TRERF1: variants seen among roughly 807,000 people sequenced by gnomAD.
TRERF1 encodes transcriptional regulating factor 1.
A neutral mutation model predicts 122.9 loss-of-function variants in TRERF1; 27 were observed. The observed-to-expected ratio is 0.22, with a 90% confidence interval of 0.16 to 0.30. TRERF1 has a LOEUF of 0.30. TRERF1 is among the 10% of genes least tolerant of loss of function. The pLI, the probability that TRERF1 is intolerant of heterozygous loss-of-function variation, is 1.00. For synonymous variants in TRERF1, 636 were observed against 641.7 expected (o/e 0.99, Z 0.13); for missense variants, 1,248 against 1,560.3 (o/e 0.80, Z 3.37).
intron 3 of TRERF1, among the ~76,000 whole-genome samples, chr6:42,321,022 G>A (rs1161225029): frequency 1.3e-5 from 2 of 152,084 alleles, no homozygotes; most frequent in African/African-American, 2.4e-5. Context: ...ACTCAGAGAC[G>A]CCAGAACAAC....
rs2149836940 is a variant in TRERF1, at chr6:42,263,608, A to G, written c.1636-40T>C. ...AAGGCTTTGATCCTGGGCTGAGAGC[A>G]GCTCTCACAAGGGGGATGCACTTTG... On this transcript the variant is annotated intron_variant, in intron 7 of 17. Coordinates refer to ENST00000372922, the Ensembl canonical transcript of TRERF1. The surrounding 1 kb of genome is among the most constrained non-coding windows in gnomAD (Gnocchi z 5.6). The G allele has an allele frequency of 1.4e-6, 2 of 1,455,566 alleles. No homozygotes were observed. The highest frequency in any genetic ancestry group is 4.9e-5 in the East Asian group (2 of 40,590). The allele number at this position is 1,455,566 out of a possible 1,614,324, so 90.2% of individuals were successfully genotyped here. A position where few individuals can be genotyped will look rare whatever the true frequency, so the allele number is the denominator to read the frequency against.
intron 4 of TRERF1, among the ~76,000 whole-genome samples, chr6:42,272,372 G>A (rs1350682672): frequency 6.6e-6 from 1 of 152,148 alleles, no homozygotes; most frequent in East Asian, 1.9e-4. Context: ...GGGGAGGGTG[G>A]CCAAGGATGG....
intron 2 of TRERF1, among the ~76,000 whole-genome samples, chr6:42,376,175 C>G (rs1337860033): frequency 6.6e-6 from 1 of 152,160 alleles, no homozygotes; most frequent in East Asian, 1.9e-4. Context: ...ACTCCCACCC[C>G]AAACAAAATA....
intron 13 of TRERF1, among the ~76,000 whole-genome samples, chr6:42,248,785 G>A (rs79240729): frequency 6.6e-6 from 1 of 152,162 alleles, no homozygotes; most frequent in Non-Finnish European, 1.5e-5. Context: ...GGAGCCTCAG[G>A]GGGGCTGGGG....
chr6:42,295,806 C>T (rs1050119110), intron 4 of TRERF1, among the ~76,000 whole-genome samples: 11 of 152,040 alleles, frequency 7.2e-5, no homozygotes, highest in Non-Finnish European at 1.6e-4. Flanking sequence ...TTTTATAGTA[C>T]TTGCCCACTA....
chr6:42,310,334 T>C (rs1214670559), intron 3 of TRERF1, among the ~76,000 whole-genome samples: 1 of 152,162 alleles, frequency 6.6e-6, no homozygotes, highest in Non-Finnish European at 1.5e-5. Context: ...CAGCACCAAA[T>C]AGAACATTTC....
chr6:42,371,426 T>C (rs1016847986), intron 2 of TRERF1, among the ~76,000 whole-genome samples: 5 of 151,662 alleles, frequency 3.3e-5, no homozygotes, highest in African/African-American at 1.2e-4. Flanking sequence ...GGTGGCAAAA[T>C]AGGAATAGAG....
exon 18 of TRERF1, chr6:42,227,855 G>A (rs1254414512): frequency 1.3e-5 from 2 of 152,402 alleles, no homozygotes; most frequent in South Asian, 2.1e-4. Flanking sequence ...CCCTAGCATA[G>A]TATCTCCAGG....
chr6:42,375,127 C>T (rs1774600097), intron 2 of TRERF1, among the ~76,000 whole-genome samples: 1 of 152,112 alleles, frequency 6.6e-6, no homozygotes, highest in African/African-American at 2.4e-5. Flanking sequence ...GCGACTGTCC[C>T]AGCCCAGGCA....
chr6:42,240,988 G>A (rs1773568533), intron 15 of TRERF1, among the ~76,000 whole-genome samples: 1 of 152,128 alleles, frequency 6.6e-6, no homozygotes, highest in Non-Finnish European at 1.5e-5. Context: ...CACCTCCCGG[G>A]TTCAGGCAAT....
At chr6:42,261,179 C>G (rs988999943) in intron 8 of TRERF1, among the ~76,000 whole-genome samples, 2 of 152,176 alleles carry the variant, frequency 1.3e-5, no homozygotes, top group Admixed American at 6.5e-5. Context: ...CCTGTGCCCC[C>G]CCCAAGGGGA....
At chr6:42,311,765 CAAAA>C (rs10530333) in intron 3 of TRERF1, among the ~76,000 whole-genome samples, 7 of 34,570 alleles carry the variant, frequency 2.0e-4, no homozygotes, top group Non-Finnish European at 4.2e-4. Flanking sequence ...GACTCCGTCT[CAAAA>C]AAAAAAAAAA....
At chr6:42,347,543 G>C (rs975856753) in intron 3 of TRERF1, among the ~76,000 whole-genome samples, 3 of 152,076 alleles carry the variant, frequency 2.0e-5, no homozygotes, top group African/African-American at 4.8e-5. Context: ...ATAAGTAATG[G>C]AACAACTGCA....
intron 4 of TRERF1, among the ~76,000 whole-genome samples, chr6:42,277,908 A>G (rs1386236586): frequency 2.1e-5 from 1 of 48,768 alleles, no homozygotes; most frequent in Non-Finnish European, 4.3e-5. Context: ...GGAAGAAGGA[A>G]GAAGAAGAAG....
chr6:42,248,471 G>C (rs1188872219), intron 13 of TRERF1, among the ~76,000 whole-genome samples: 1 of 151,974 alleles, frequency 6.6e-6, no homozygotes, highest in Non-Finnish European at 1.5e-5. Context: ...TCTTGCCTCA[G>C]CCTCCTGAGT....
chr6:42,379,025 T>C (rs1196666866), intron 2 of TRERF1, among the ~76,000 whole-genome samples: 1 of 151,564 alleles, frequency 6.6e-6, no homozygotes. Context: ...GAGGCTGAGG[T>C]GGGAGGATCA....
At chr6:42,273,398 GA>G (rs1406924319) in intron 4 of TRERF1, among the ~76,000 whole-genome samples, 1 of 152,012 alleles carries the variant, frequency 6.6e-6, no homozygotes. Flanking sequence ...CAACAAATGA[GA>G]AAAAATTAGA....
At chr6:42,295,543 G>A (rs538832445) in intron 4 of TRERF1, among the ~76,000 whole-genome samples, 1 of 152,260 alleles carries the variant, frequency 6.6e-6, no homozygotes, top group East Asian at 1.9e-4. Context: ...GATGCATGAG[G>A]CTCCTTCTCC....
At chr6:42,337,400 G>T (rs776936771) in intron 3 of TRERF1, among the ~76,000 whole-genome samples, 18 of 152,208 alleles carry the variant, frequency 1.2e-4, no homozygotes, top group Non-Finnish European at 1.8e-4. Flanking sequence ...AGCTGGAGCA[G>T]GTCTGAGGCC....
Sources: gnomAD v4.1 joint callset for allele counts (sites outside exome capture counted in the v4.1 genomes callset) on GRCh38, gnomAD v4.1.1 for gene constraint, Gnocchi (gnomAD v3.1) non-coding constraint, MANE v1.5 for transcripts, NCBI Gene and HGNC (gene_info 2026-07-23, HGNC 2026-07-21) for gene names.